Variants in DGLUCY observed in about 807,000 individuals in gnomAD.
DGLUCY encodes D-glutamate cyclase, mitochondrial.
A neutral mutation model predicts 58.5 loss-of-function variants in DGLUCY; 58 were observed. The ratio of observed to expected loss-of-function variants is 0.99; its 90% CI spans 0.80 to 1.23. DGLUCY has a LOEUF of 1.23. Among genes scored for constraint, DGLUCY ranks in the 50% most tolerant of loss-of-function variants. DGLUCY has a pLI of 0.00. For synonymous variants in DGLUCY, 325 were observed against 314.1 expected, an observed-to-expected ratio of 1.03 and a Z score of -0.37; for missense variants, 779 against 784.7, an observed-to-expected ratio of 0.99 and a Z score of 0.09.
intron 1 of DGLUCY, among the ~76,000 whole-genome samples, chr14:91,108,558 A>AGAGAGAGAGAGAGAGAGAGG (rs2044640174): frequency 2.7e-5 from 4 of 148,972 alleles, no homozygotes; most frequent in Admixed American, 2.0e-4. Context: ...AGAGAGAGAG[A>AGAGAGAGAGAGAGAGAGAGG]GACAGAGTTT....
rs143805273 is a variant in DGLUCY, at chr14:91,085,422, C to T, written c.-82+24718C>T. Among the ~76,000 whole-genome samples, 465 of 152,144 alleles carry T rather than the reference C, an allele frequency of 3.1e-3. 5 individuals are homozygous for T. The highest frequency in any genetic ancestry group is 0.011 in the African/African-American group (450 of 41,510). ...CTCCATACCCCCCACATCTTTTTCC[C>T]CTCCCCTAGGTCCCACAGCACTGTG... On this transcript the variant is annotated intron_variant, in intron 1 of 4. Transcript: ENST00000521334.
At chr14:91,118,406 A>G (rs1595674985) in intron 1 of DGLUCY, among the ~76,000 whole-genome samples, 2 of 152,066 alleles carry the variant, frequency 1.3e-5, no homozygotes, top group Non-Finnish European at 2.9e-5. Context: ...AAAAGGTGCC[A>G]GACTCTTCAT....
At chr14:91,199,272 T>C (rs2050404812) in intron 10 of DGLUCY, among the ~76,000 whole-genome samples, 1 of 151,822 alleles carries the variant, frequency 6.6e-6, no homozygotes, top group Admixed American at 6.6e-5. Context: ...ATTTTTTTTT[T>C]TTTTCAAGAC....
At chr14:91,135,012 C>G (rs371235797) in intron 1 of DGLUCY, among the ~76,000 whole-genome samples, 1 of 152,116 alleles carries the variant, frequency 6.6e-6, no homozygotes, top group East Asian at 1.9e-4. Context: ...GCAACCTCCC[C>G]CTCCCAGGCT....
intron 1 of DGLUCY, among the ~76,000 whole-genome samples, chr14:91,147,195 T>C (rs992281855): frequency 2.0e-5 from 3 of 152,172 alleles, no homozygotes; most frequent in Non-Finnish European, 4.4e-5. Flanking sequence ...AGCATTCCTG[T>C]CTCCATAGTT....
intron 1 of DGLUCY, among the ~76,000 whole-genome samples, chr14:91,115,780 C>G (rs1455308353): frequency 6.6e-6 from 1 of 152,136 alleles, no homozygotes; most frequent in Non-Finnish European, 1.5e-5. Flanking sequence ...AACTGGTGGC[C>G]CCTGACATGT....
intron 1 of DGLUCY, chr14:91,126,374 C>A: frequency 6.4e-6 from 1 of 157,334 alleles, no homozygotes. Context: ...CAGGATGGCC[C>A]CTTCTGTGTT....
intron 1 of DGLUCY, among the ~76,000 whole-genome samples, chr14:91,120,946 C>T (rs1025973128): frequency 7.9e-5 from 12 of 152,178 alleles, no homozygotes; most frequent in African/African-American, 2.9e-4. Flanking sequence ...GATCCTCCTA[C>T]CCTTAGTGCT....
chr14:91,136,136 T>C (rs536416572), intron 1 of DGLUCY, among the ~76,000 whole-genome samples: 14 of 151,836 alleles, frequency 9.2e-5, no homozygotes, highest in Admixed American at 1.3e-4. Flanking sequence ...GGTTTCATCA[T>C]GTTAGCCAGG....
At chr14:91,146,221 C>G (rs1253485013) in intron 1 of DGLUCY, among the ~76,000 whole-genome samples, 1 of 152,196 alleles carries the variant, frequency 6.6e-6, no homozygotes. Flanking sequence ...AGGTTGCCCA[C>G]TAATCTCACA....
At chr14:91,219,977 A>G (rs1887186343) in intron 13 of DGLUCY, among the ~76,000 whole-genome samples, 1 of 152,152 alleles carries the variant, frequency 6.6e-6, no homozygotes, top group Non-Finnish European at 1.5e-5. Flanking sequence ...CCCTCATGGC[A>G]TCTTCCCCTC....
chr14:91,073,835 T>A (rs1018170230), intron 1 of DGLUCY, among the ~76,000 whole-genome samples: 2 of 151,972 alleles, frequency 1.3e-5, no homozygotes, highest in African/African-American at 4.8e-5. Context: ...CAGTGAGCTA[T>A]GACCGTCTTA....
At chr14:91,205,799 G>GTCTCCT (rs1884536168) in intron 12 of DGLUCY, among the ~76,000 whole-genome samples, 2 of 49,760 alleles carry the variant, frequency 4.0e-5, no homozygotes, top group Non-Finnish European at 7.9e-5. Context: ...CTTCTTCTCC[G>GTCTCCT]TCTCCTTCTC....
intron 3 of DGLUCY, among the ~76,000 whole-genome samples, chr14:91,163,691 C>A (rs965069692): frequency 2.6e-5 from 4 of 152,152 alleles, no homozygotes; most frequent in Non-Finnish European, 5.9e-5. Context: ...CTCGCGGGCA[C>A]CCCTTCCAGG....
chr14:91,207,381 G>C lies in DGLUCY; in HGVS notation c.1564+2556G>C, dbSNP rs1884927362. Among the ~76,000 whole-genome samples, 5 of 152,224 alleles carry C rather than the reference G, an allele frequency of 3.3e-5. No individual in the cohort carries two copies. In the South Asian group the frequency reaches 1.0e-3, roughly 32 times the overall value. On this transcript the variant is annotated intron_variant, in intron 12 of 13. Transcript: ENST00000256324. The stretch of plus-strand genomic sequence containing the variant: ...CAACAGATCAGAATATCTAAGAACT[G>C]TGGGACAACTACAAAAGGTATAACC...
chr14:91,168,602 C>G (rs1178705884), intron 4 of DGLUCY, among the ~76,000 whole-genome samples: 1 of 152,184 alleles, frequency 6.6e-6, no homozygotes, highest in Non-Finnish European at 1.5e-5. Context: ...CCTGGGTATG[C>G]CTTCTTCCTT....
chr14:91,174,788 AG>A (rs2048766518), intron 6 of DGLUCY, among the ~76,000 whole-genome samples: 1 of 152,116 alleles, frequency 6.6e-6, no homozygotes, highest in Non-Finnish European at 1.5e-5. Context: ...TGGTGTCTGT[AG>A]GGGGGTGGCC....
chr14:91,167,274 T>A lies in DGLUCY; in HGVS notation c.153T>A (p.Ala51=), dbSNP rs186462130. ...TCCTGCCCAGGTCCCTTGCTCCAGC[T>A]TTTGAAAGATTCTGCCAGGTCAACA... ...LVVLPRSLAP[A]FERFCQVNTG... Residue 51 remains alanine (A), a synonymous_variant, in exon 4 of 14, where the codon GCT becomes GCA. Transcript: ENST00000256324. The A allele has an allele frequency of 8.7e-6, 14 of 1,612,478 alleles. No individual in the cohort carries two copies. In the East Asian group the frequency reaches 2.9e-4, roughly 33 times the overall value.
chr14:91,074,161 A>ACACACATC (rs71120110), intron 1 of DGLUCY, among the ~76,000 whole-genome samples: 5 of 128,630 alleles, frequency 3.9e-5, no homozygotes, highest in African/African-American at 1.6e-4. Context: ...ACACACACAC[A>ACACACATC]GTCAAGCACC....
Sources: gnomAD v4.1 joint callset for allele counts (sites outside exome capture counted in the v4.1 genomes callset) on GRCh38, gnomAD v4.1.1 for gene constraint, MANE v1.5 for transcripts, NCBI Gene and HGNC (gene_info 2026-07-23, HGNC 2026-07-21) for gene names.